DAB1: variants seen among roughly 807,000 people sequenced by gnomAD.
The protein encoded by DAB1 is disabled homolog 1.
In DAB1, 15 loss-of-function variants were observed where a neutral mutation model predicts 64.6. The ratio of observed to expected loss-of-function variants is 0.23; its 90% CI spans 0.16 to 0.36. The LOEUF (loss-of-function observed/expected upper bound fraction) is 0.36, where lower values mean the gene tolerates loss of function less well. Among genes scored for constraint, DAB1 ranks in the 10% least tolerant of loss-of-function variants. DAB1 has a pLI of 1.00. For missense variants in DAB1, 596 were observed against 706.7 expected, an observed-to-expected ratio of 0.84 and a Z score of 1.78; for synonymous variants, 235 against 251.9, an observed-to-expected ratio of 0.93 and a Z score of 0.64.
At chr1:57,344,056 C>T (rs1386825733) in intron 1 of DAB1, among the ~76,000 whole-genome samples, 1 of 152,242 alleles carries the variant, frequency 6.6e-6, no homozygotes, top group Non-Finnish European at 1.5e-5. Flanking sequence ...CACCAGAAAC[C>T]TTTCAGACAT....
chr1:57,654,489 T>C (rs1301480237), intron 6 of DAB1, among the ~76,000 whole-genome samples: 1 of 152,208 alleles, frequency 6.6e-6, no homozygotes, highest in Non-Finnish European at 1.5e-5. Flanking sequence ...TGGTGGTATA[T>C]AGGGGTTTGT....
At chr1:58,185,446 T>C (rs943176879) in intron 4 of DAB1, among the ~76,000 whole-genome samples, 1 of 152,218 alleles carries the variant, frequency 6.6e-6, no homozygotes, top group Non-Finnish European at 1.5e-5. Flanking sequence ...GAAGGAATCC[T>C]AGCCTGAAGC....
intron 6 of DAB1, among the ~76,000 whole-genome samples, chr1:57,752,100 A>C (rs1648582667): frequency 6.6e-6 from 1 of 152,230 alleles, no homozygotes; most frequent in African/African-American, 2.4e-5. Flanking sequence ...AGAGAATCTC[A>C]GAGTTCAGGC....
chr1:57,112,798 G>T (rs966367625), intron 4 of DAB1, among the ~76,000 whole-genome samples: 1 of 151,728 alleles, frequency 6.6e-6, no homozygotes. Context: ...TGCTAATTCA[G>T]CCCTAATAAT....
At chr1:58,017,829 G>A (rs1023363571) in intron 5 of DAB1, among the ~76,000 whole-genome samples, 3 of 152,178 alleles carry the variant, frequency 2.0e-5, no homozygotes, top group Non-Finnish European at 4.4e-5. Flanking sequence ...GCTCATGGTA[G>A]CCCCTCTAGG....
intron 7 of DAB1, among the ~76,000 whole-genome samples, chr1:57,535,916 T>A (rs955629083): frequency 4.6e-5 from 7 of 152,220 alleles, no homozygotes; most frequent in Non-Finnish European, 8.8e-5. Context: ...ATGGGTATGC[T>A]CTGCTTGACT....
chr1:57,824,293 G>A (rs1234889863), downstream of DAB1, among the ~76,000 whole-genome samples: 1 of 152,096 alleles, frequency 6.6e-6, no homozygotes, highest in Non-Finnish European at 1.5e-5. Context: ...GAGGGTGGGG[G>A]TTCACCTTCC....
chr1:57,524,644 G>A (rs1644569850), intron 7 of DAB1, among the ~76,000 whole-genome samples: 1 of 152,162 alleles, frequency 6.6e-6, no homozygotes, highest in African/African-American at 2.4e-5. Flanking sequence ...TAAGGGTGGG[G>A]GAAATTATAA....
At chr1:58,492,284 T>C (rs1351381869) in intron 3 of DAB1, among the ~76,000 whole-genome samples, 1 of 152,144 alleles carries the variant, frequency 6.6e-6, no homozygotes, top group East Asian at 1.9e-4. Flanking sequence ...GGGAAATTTA[T>C]AGCACTAAAT....
At chr1:57,051,273 A>T (rs1443244111) in intron 9 of DAB1, among the ~76,000 whole-genome samples, 1 of 152,236 alleles carries the variant, frequency 6.6e-6, no homozygotes, top group Non-Finnish European at 1.5e-5. Context: ...TGTTAACTGC[A>T]TTGTAATAAT....
chr1:58,359,331 C>T (rs935486704), intron 3 of DAB1, among the ~76,000 whole-genome samples: 1 of 152,178 alleles, frequency 6.6e-6, no homozygotes, highest in Middle Eastern at 3.2e-3. Context: ...AGGACATAAA[C>T]CAAGGGCTTT....
chr1:58,069,099 C>G (rs1161335626), intron 5 of DAB1, among the ~76,000 whole-genome samples: 2 of 152,222 alleles, frequency 1.3e-5, no homozygotes, highest in African/African-American at 4.8e-5. Flanking sequence ...GTAATATGCT[C>G]TTATGTGCAT....
At chr1:57,163,697 C>A (rs577777415) in intron 2 of DAB1, among the ~76,000 whole-genome samples, 13 of 152,038 alleles carry the variant, frequency 8.6e-5, no homozygotes, top group African/African-American at 2.9e-4. Flanking sequence ...ACAAGGATGA[C>A]AGCACTAGAT....
intron 6 of DAB1, among the ~76,000 whole-genome samples, chr1:57,748,112 C>T (rs916349838): frequency 2.6e-5 from 4 of 152,118 alleles, no homozygotes; most frequent in African/African-American, 2.4e-5. Context: ...AGAGGCATAA[C>T]CCTCATTAAA....
chr1:57,279,650 T>G (rs1043807513), intron 2 of DAB1, among the ~76,000 whole-genome samples: 2 of 152,226 alleles, frequency 1.3e-5, no homozygotes, highest in Non-Finnish European at 2.9e-5. Context: ...CCTCAGGATT[T>G]TATCCACAGT....
At position 56,995,260 on chromosome 1, in the gene DAB1, A is replaced by G. The variant is rs1645576003; in HGVS notation, c.*2884T>C. Reference sequence around the variant, plus strand: ...GGATGAGGAATTAACAGTTGTACACATGGATTTTCTATTGATCTAACCAGA... The same window carrying G: ...GGATGAGGAATTAACAGTTGTACACGTGGATTTTCTATTGATCTAACCAGA... On this transcript the variant is annotated 3_prime_UTR_variant, in exon 15 of 15. Transcript: ENST00000371236. The G allele has an allele frequency of 2.0e-5, 3 of 152,214 alleles. No individual in the cohort carries two copies. The highest frequency in any genetic ancestry group is 1.3e-4 in the Admixed American group (2 of 15,278). 9.4% of individuals were successfully genotyped at this position (152,214 alleles called of 1,614,324 possible).
chr1:58,288,032 A>AAG (rs1553173043), intron 4 of DAB1, among the ~76,000 whole-genome samples: 1 of 145,020 alleles, frequency 6.9e-6, no homozygotes, highest in African/African-American at 2.5e-5. Flanking sequence ...AAAAAAAAAA[A>AAG]AAAAAAAAAA....
intron 6 of DAB1, among the ~76,000 whole-genome samples, chr1:57,653,858 T>C (rs1054332031): frequency 1.3e-5 from 2 of 152,114 alleles, no homozygotes; most frequent in African/African-American, 4.8e-5. Context: ...TGATCCACCT[T>C]CCTCGGCCTC....
intron 6 of DAB1, among the ~76,000 whole-genome samples, chr1:57,803,936 C>G (rs1651245617): frequency 6.6e-6 from 1 of 152,122 alleles, no homozygotes; most frequent in Non-Finnish European, 1.5e-5. Flanking sequence ...TGGAACAGAA[C>G]AGATTATATC....
Sources: allele counts gnomAD v4.1 joint callset (sites outside exome capture counted in the v4.1 genomes callset), GRCh38; gene constraint gnomAD v4.1.1; transcripts MANE v1.5; gene names NCBI Gene and HGNC (gene_info 2026-07-23, HGNC 2026-07-21).